Variants in RFX3 observed in about 807,000 individuals in gnomAD.
RFX3 encodes the protein transcription factor RFX3.
In RFX3, 14 loss-of-function variants were observed where a neutral mutation model predicts 98.6. The ratio of observed to expected loss-of-function variants is 0.14; its 90% CI spans 0.09 to 0.22. RFX3 has a LOEUF of 0.22. RFX3 is among the 10% of genes least tolerant of loss of function. The probability of loss-of-function intolerance (pLI) is 1.00; values close to 1 mark genes in which losing one functional copy is unlikely to be tolerated. For synonymous variants in RFX3, 383 were observed against 328.4 expected, an observed-to-expected ratio of 1.17 and a Z score of -1.80; for missense variants, 639 against 926.9, an observed-to-expected ratio of 0.69 and a Z score of 4.03.
intron 15 of RFX3, among the ~76,000 whole-genome samples, chr9:3,238,176 T>C (rs993374033): frequency 1.3e-5 from 2 of 152,142 alleles, no homozygotes; most frequent in Non-Finnish European, 2.9e-5. Flanking sequence ...TAAAATTCCA[T>C]TTAATAATAA....
At chr9:3,349,999 T>G (rs1347518049) in intron 2 of RFX3, among the ~76,000 whole-genome samples, 1 of 151,932 alleles carries the variant, frequency 6.6e-6, no homozygotes, top group Admixed American at 6.6e-5. Flanking sequence ...ATCCAAAACT[T>G]TGAGAAAGAT....
At chr9:3,437,902 C>T (rs1845290931) in intron 1 of RFX3, among the ~76,000 whole-genome samples, 1 of 151,872 alleles carries the variant, frequency 6.6e-6, no homozygotes, top group Admixed American at 6.6e-5. Flanking sequence ...ATATATTCTA[C>T]CAGGCCTTCT....
chr9:3,218,636 C>T lies in RFX3; in HGVS notation c.*6406G>A, dbSNP rs1817192350. On this transcript the variant is annotated 3_prime_UTR_variant, in exon 17 of 17. Transcript: ENST00000617270. ...AAATACGTATTTACAAAATCAAATA[C>T]ATTATACAAAAAACCATCACATGTT... 1 of 152,084 alleles carries T rather than the reference C, an allele frequency of 6.6e-6. No homozygotes were observed. The highest frequency in any genetic ancestry group is 2.1e-4 in the South Asian group (1 of 4,828). 9.4% of individuals were successfully genotyped at this position (152,084 alleles called of 1,614,324 possible).
At chr9:3,277,169 A>C (rs899931919) in intron 8 of RFX3, among the ~76,000 whole-genome samples, 171 bp downstream of exon 8, 1 of 152,048 alleles carries the variant, frequency 6.6e-6, no homozygotes, top group Admixed American at 6.6e-5. Flanking sequence ...AGCTCTAATA[A>C]ACACGAAAGG....
At chr9:3,382,519 A>G (rs1342345108) in intron 2 of RFX3, among the ~76,000 whole-genome samples, 1 of 152,206 alleles carries the variant, frequency 6.6e-6, no homozygotes, top group Non-Finnish European at 1.5e-5. Context: ...AAGCAAAGCC[A>G]GAAACTGGCT....
At chr9:3,277,230 A>G in intron 8 of RFX3, 110 bp downstream of exon 8, 1 of 1,123,056 alleles carries the variant, frequency 8.9e-7, no homozygotes, top group Non-Finnish European at 1.3e-6. Context: ...TTTTGGCACC[A>G]AAAAAAATCT....
intron 1 of RFX3, chr9:3,400,262 G>C: frequency 1.1e-6 from 1 of 946,052 alleles, no homozygotes; most frequent in Non-Finnish European, 1.3e-6. Flanking sequence ...AAAAGAAAAA[G>C]TTGTCAACTA....
At chr9:3,306,721 G>T (rs971263329) in intron 4 of RFX3, among the ~76,000 whole-genome samples, 15 of 151,572 alleles carry the variant, frequency 9.9e-5, no homozygotes, top group Admixed American at 9.9e-4. Flanking sequence ...TGCAGGTTGT[G>T]CACATGTACC....
At chr9:3,504,801 T>C (rs190525437) in intron 1 of RFX3, among the ~76,000 whole-genome samples, 1 of 73,638 alleles carries the variant, frequency 1.4e-5, no homozygotes, top group East Asian at 2.9e-4. Flanking sequence ...TATATTATAT[T>C]ATATATAAAA....
In RFX3 at chr9:3,471,220, C is replaced by T. The variant is rs1362361819; in HGVS notation, c.-9+54527G>A. Among the ~76,000 whole-genome samples, 3 of 152,200 alleles carry T rather than the reference C, an allele frequency of 2.0e-5. No individual in the cohort carries two copies. The East Asian group carries it at 5.8e-4, about 29-fold the overall frequency. On this transcript the variant is annotated intron_variant, in intron 1 of 16. Transcript: ENST00000617270. ...ATATTAGATGCTGCCATAATAACAG[C>T]ATCCATTTGTACATCACTGTACCTT...
chr9:3,266,320 A>G lies in RFX3; in HGVS notation c.1358-15T>C. The G allele has an allele frequency of 5.8e-6, 9 of 1,551,980 alleles. No homozygotes were observed. Among genetic ancestry groups the G allele is most frequent in the Non-Finnish European group, 8.0e-6 (9 of 1,127,232 alleles). ...GGTCAAGGCACCTAAACATTAAAGA[A>G]TAAAAGCAGGATAAAAAAAAGTATG... On this transcript the variant is annotated splice_polypyrimidine_tract_variant and intron_variant, in intron 11 of 16. Transcript: ENST00000617270.
At chr9:3,484,001 T>C (rs973713176) in intron 1 of RFX3, among the ~76,000 whole-genome samples, 6 of 152,160 alleles carry the variant, frequency 3.9e-5, no homozygotes, top group Non-Finnish European at 8.8e-5. Context: ...ATACCAAATA[T>C]ATATATAACA....
At chr9:3,393,898 T>C (rs187334176) in intron 2 of RFX3, among the ~76,000 whole-genome samples, 2 of 152,212 alleles carry the variant, frequency 1.3e-5, no homozygotes, top group African/African-American at 4.8e-5. Context: ...ATTTGGGTAA[T>C]GGGTACCCTA....
At chr9:3,288,095 T>A in intron 7 of RFX3, 36 bp downstream of exon 7, 1 of 1,603,148 alleles carries the variant, frequency 6.2e-7, no homozygotes, top group Non-Finnish European at 8.5e-7. Context: ...AAGAAATACA[T>A]AGCTTGGACA....
Position 3,367,160 on chromosome 9 carries a change from G to A in RFX3, c.118-20396C>T, listed in dbSNP as rs573621405. 7.9e-5 allele frequency among the ~76,000 whole-genome samples: 12 copies of A among 152,228 alleles called. No individual in the cohort carries two copies. The East Asian group carries it at 2.3e-3, about 29-fold the overall frequency. ...ATATGGTACAGCTGACGTTAAAATTGAGTAGGCCTGCTCTAGCCCATGAGT... is the reference window on the plus strand; with the variant it reads ...ATATGGTACAGCTGACGTTAAAATTAAGTAGGCCTGCTCTAGCCCATGAGT... On this transcript the variant is annotated intron_variant, in intron 2 of 16. Transcript: ENST00000617270.
At chr9:3,429,698 A>C (rs1350598256) in intron 1 of RFX3, among the ~76,000 whole-genome samples, 1 of 152,224 alleles carries the variant, frequency 6.6e-6, no homozygotes, top group Non-Finnish European at 1.5e-5. Flanking sequence ...GATAATTAAA[A>C]GATAGTGACT....
intron 1 of RFX3, chr9:3,489,350 T>C (rs1444748329): frequency 2.4e-6 from 2 of 820,856 alleles, no homozygotes; most frequent in South Asian, 5.6e-5. Context: ...CACCCCACCC[T>C]GACTCCTGCT....
chr9:3,400,326 A>G, intron 1 of RFX3: 2 of 399,428 alleles, frequency 5.0e-6, no homozygotes, highest in Non-Finnish European at 6.8e-6. Context: ...TAGGTAAAAA[A>G]CAATGGTTGT....
intron 4 of RFX3, among the ~76,000 whole-genome samples, chr9:3,307,808 C>T (rs565041526): frequency 1.3e-5 from 2 of 152,172 alleles, no homozygotes; most frequent in African/African-American, 2.4e-5. Flanking sequence ...TAACAAGAGG[C>T]CTTGTGACAA....
Sources: allele counts gnomAD v4.1 joint callset (sites outside exome capture counted in the v4.1 genomes callset), GRCh38; gene constraint gnomAD v4.1.1; transcripts MANE v1.5; gene names NCBI Gene and HGNC (gene_info 2026-07-23, HGNC 2026-07-21).